The following EP300 variants were observed in gnomAD, a reference collection of about 807,000 sequenced individuals.
EP300 encodes EP300 lysine acetyltransferase.
A neutral mutation model predicts 264.0 loss-of-function variants in EP300; 31 were observed. The observed-to-expected ratio is 0.12, with a 90% CI of 0.09 to 0.16. The LOEUF (loss-of-function observed/expected upper bound fraction) is 0.16. EP300 is among the 10% of genes least tolerant of loss of function. The probability of loss-of-function intolerance (pLI) is 1.00; values close to 1 mark genes in which losing one functional copy is unlikely to be tolerated. For synonymous variants in EP300, 1,340 were observed against 1,045.4 expected, an observed-to-expected ratio of 1.28 and a Z score of -5.44; for missense variants, 2,766 against 3,052.9, an observed-to-expected ratio of 0.91 and a Z score of 2.21.
intron 9 of EP300, 37 bp from the exon 10 acceptor site, chr22:41,141,011 T>C: frequency 6.2e-7 from 1 of 1,600,428 alleles, no homozygotes; most frequent in Non-Finnish European, 8.5e-7. Flanking sequence ...GTTCCTTTTT[T>C]CCTCATCTCC....
chr22:41,155,144 T>G (rs771159303), intron 17 of EP300, 31 bp downstream of exon 17: 1 of 1,452,358 alleles, frequency 6.9e-7, no homozygotes, highest in South Asian at 1.1e-5. Context: ...TTGATTTTAT[T>G]TTTTAATTTG....
chr22:41,151,493 T>G (rs1315501302), intron 14 of EP300, among the ~76,000 whole-genome samples: 1 of 152,160 alleles, frequency 6.6e-6, no homozygotes, highest in Admixed American at 6.5e-5. Flanking sequence ...AAGCCAGTCT[T>G]TCTTATTTTC....
rs2059224130 is a variant in EP300, at chr22:41,179,134, A to ATGAT, written c.*179_*182dup. On this transcript the variant is annotated 3_prime_UTR_variant, in exon 31 of 31. Coordinates refer to ENST00000263253, the MANE Select transcript of EP300 (RefSeq NM_001429.4). ...CAAACATGCAAGATGAACCTGAGGG[A>ATGAT]TGATAGAATACAAAGAATATATTTT... 1 of 669,060 alleles carries ATGAT rather than the reference A, an allele frequency of 1.5e-6. No homozygotes were observed. Among genetic ancestry groups the ATGAT allele is most frequent in the Non-Finnish European group, 2.5e-6 (1 of 398,410 alleles). 41.4% of individuals were successfully genotyped at this position (669,060 alleles called of 1,614,324 possible).
At chr22:41,122,632 A>AT (rs2058859167) in intron 2 of EP300, among the ~76,000 whole-genome samples, 1 of 149,902 alleles carries the variant, frequency 6.7e-6, no homozygotes, top group Non-Finnish European at 1.5e-5. Flanking sequence ...TTTTTTTTTC[A>AT]TTTTTTGGTA....
chr22:41,148,901 G>T, intron 12 of EP300, 137 bp from the exon 13 acceptor site: 2 of 1,108,610 alleles, frequency 1.8e-6, no homozygotes, highest in East Asian at 2.5e-5. Context: ...CTCCTCTTCA[G>T]CCCTCTTCAC....
At chr22:41,116,847 G>A (rs1452027714) in intron 1 of EP300, among the ~76,000 whole-genome samples, 1 of 152,152 alleles carries the variant, frequency 6.6e-6, no homozygotes, top group Non-Finnish European at 1.5e-5. Context: ...GATAGCTTCA[G>A]CTCAGGAGTG....
In EP300 at chr22:41,127,660, A is replaced by G. The variant is rs2058890887; in HGVS notation, c.1080A>G (p.Glu360=). ...AGCGCCGGGAACAGGCCAATGGGGA[A>G]GTGAGGCAGTGCAACCTTCCCCACT... The part of the protein sequence containing the change: ...KCQRREQANG[E]VRQCNLPHCR... Residue 360 remains glutamate (E), a synonymous_variant, in exon 4 of 31, where the codon GAA becomes GAG. Coordinates refer to ENST00000263253, the MANE Select transcript of EP300 (RefSeq NM_001429.4). 6 of 1,614,106 alleles carry G rather than the reference A, an allele frequency of 3.7e-6. No individual in the cohort carries two copies. Among genetic ancestry groups the G allele is most frequent in the Admixed American group, 1.7e-5 (1 of 60,000 alleles).
intron 6 of EP300, among the ~76,000 whole-genome samples, chr22:41,134,460 C>T (rs1178607704): frequency 6.6e-6 from 1 of 152,020 alleles, no homozygotes. Context: ...TGCAGTAGTG[C>T]GATCTTGGCC....
intron 1 of EP300, among the ~76,000 whole-genome samples, chr22:41,100,050 C>T (rs377723297): frequency 6.6e-6 from 1 of 152,182 alleles, no homozygotes; most frequent in East Asian, 1.9e-4. Flanking sequence ...GACCCCCCAT[C>T]CCCCCACCAT....
In EP300 at chr22:41,135,900, C is replaced by G. The variant is rs1465825778; in HGVS notation, c.1616C>G (p.Ser539Cys). ...SDSMLHSAIN[S>C]QNPMMSENAS... ...TCAATGTTGCATTCAGCCATAAATT[C>G]TCAAAAGTAAGTCTTAACGTGATTT... The change falls in exon 7 of 31, where the codon TCT becomes TGT. Residue 539 changes from serine (S) to cysteine (C), a missense_variant. By Grantham distance (112) the Ser-to-Cys change is moderately radical. Transcript: ENST00000263253. 6.2e-7 allele frequency: 1 copy of G among 1,612,988 alleles called. No homozygotes were observed. Among genetic ancestry groups the G allele is most frequent in the Non-Finnish European group, 8.5e-7 (1 of 1,178,960 alleles).
intron 2 of EP300, among the ~76,000 whole-genome samples, chr22:41,125,581 A>G (rs549067070): frequency 1.3e-5 from 2 of 151,988 alleles, no homozygotes; most frequent in East Asian, 1.9e-4. Context: ...GTTTTTTGCC[A>G]TCATGGCTCC....
In EP300 at chr22:41,149,901, C is replaced by T. The variant is rs200111935; in HGVS notation, c.2520C>T (p.Pro840=). ...NSPSPVPSRT[P]TPHHTPPSIG... ...CCTCGCCTGTACCTAGTCGTACCCC[C>T]ACCCCTCACCATACTCCCCCAAGCA... is the stretch of plus-strand genomic sequence containing the variant. Residue 840 remains proline, a synonymous_variant, in exon 14 of 31, where the codon CCC becomes CCT. Transcript: ENST00000263253. The T allele has an allele frequency of 1.2e-6, 2 of 1,613,990 alleles. No individual in the cohort carries two copies. The highest frequency in any genetic ancestry group is 2.2e-5 in the East Asian group (1 of 44,878).
intron 1 of EP300, among the ~76,000 whole-genome samples, chr22:41,094,198 C>A (rs2058689748): frequency 6.6e-6 from 1 of 152,178 alleles, no homozygotes; most frequent in Non-Finnish European, 1.5e-5. Flanking sequence ...GGCTGGCCAT[C>A]TGACAGTCCA....
In EP300 at chr22:41,178,134, G is replaced by A. The variant is rs1479937842; in HGVS notation, c.6423G>A (p.Gln2141=). ...TGAATCCAATGCAGGCGGGCGTTCAGAGGGCTGGCCTGCCCCAGCAGCAAC... is the reference window on the plus strand; with the variant it reads ...TGAATCCAATGCAGGCGGGCGTTCAAAGGGCTGGCCTGCCCCAGCAGCAAC... The part of the protein sequence containing the change: ...QNMNPMQAGV[Q]RAGLPQQQPQ... The change falls in exon 31 of 31, where the codon CAG becomes CAA. Residue 2141 remains glutamine, a synonymous_variant. Coordinates refer to ENST00000263253, the MANE Select transcript of EP300 (RefSeq NM_001429.4). 1 of 1,614,162 alleles carries A rather than the reference G, an allele frequency of 6.2e-7. No homozygotes were observed.
At chr22:41,169,821 CA>C in intron 26 of EP300, among the ~76,000 whole-genome samples, 1 of 152,266 alleles carries the variant, frequency 6.6e-6, no homozygotes, top group East Asian at 1.9e-4. Context: ...TTCACCCATC[CA>C]ACATTAGTTT....
At chr22:41,161,343 C>T (rs866503873) in intron 20 of EP300, among the ~76,000 whole-genome samples, 5 of 152,138 alleles carry the variant, frequency 3.3e-5, no homozygotes, top group South Asian at 2.1e-4. Flanking sequence ...TCTGGCCAGG[C>T]GTGGTGGCTC....
intron 1 of EP300, among the ~76,000 whole-genome samples, chr22:41,114,282 C>T (rs577526683): frequency 3.9e-5 from 6 of 152,188 alleles, no homozygotes; most frequent in African/African-American, 9.6e-5. Context: ...CCCAAGCTGC[C>T]GCTATCCTCC....
chr22:41,127,823 T>C (rs1276302027), intron 4 of EP300, 75 bp downstream of exon 4: 3 of 1,578,090 alleles, frequency 1.9e-6, no homozygotes, highest in African/African-American at 1.3e-5. Context: ...TGATCAAGTC[T>C]ATTTTGTGGT....
At chr22:41,167,624 AT>A (rs2059145622) in intron 23 of EP300, among the ~76,000 whole-genome samples, 3 of 56,846 alleles carry the variant, frequency 5.3e-5, no homozygotes, top group Non-Finnish European at 1.1e-4. Flanking sequence ...ATATATATAT[AT>A]ATATATATAT....
Sources: allele counts gnomAD v4.1 joint callset (sites outside exome capture counted in the v4.1 genomes callset), GRCh38; gene constraint gnomAD v4.1.1; transcripts MANE v1.5; gene names NCBI Gene and HGNC (gene_info 2026-07-23, HGNC 2026-07-21).